The following IGSF1 variants were observed in gnomAD, a reference collection of about 807,000 sequenced individuals.
The protein encoded by IGSF1 is immunoglobulin superfamily member 1.
A neutral mutation model predicts 95.3 loss-of-function variants in IGSF1; 40 were observed. The ratio of observed to expected loss-of-function variants is 0.42; its 90% confidence interval spans 0.33 to 0.55. The LOEUF (loss-of-function observed/expected upper bound fraction) is 0.55, where lower values mean the gene tolerates loss of function less well. Among genes scored for constraint, IGSF1 ranks in the 20% least tolerant of loss-of-function variants. The pLI, the probability that IGSF1 is intolerant of heterozygous loss-of-function variation, is 0.10. For synonymous variants in IGSF1, 372 were observed against 382.9 expected (o/e 0.97, Z 0.33); for missense variants, 906 against 1,025.4 (o/e 0.88, Z 1.59).
Position 131,281,674 on chromosome X carries a change from C to G in IGSF1, c.1517G>C (p.Gly506Ala). The G allele has an allele frequency of 2.5e-6, 3 of 1,207,429 alleles. No homozygotes were observed. The highest frequency in any genetic ancestry group is 3.4e-6 in the Non-Finnish European group (3 of 893,647). The change falls in exon 8 of 20, where the codon GGG (glycine) becomes GCG (alanine). Residue 506 changes from glycine to alanine, a missense_variant. Gly to Ala is a moderately conservative substitution (Grantham distance 60, BLOSUM62 0). Transcript: ENST00000361420. ...AAGAGTTATCCTCTCACCTGCTGGCCCCATCAGCTTCAGGGGCTCACTGCG... is the reference window on the plus strand; with the variant it reads ...AAGAGTTATCCTCTCACCTGCTGGCGCCATCAGCTTCAGGGGCTCACTGCG... Reference protein sequence around the residue: ...SHRSEPLKLMGPAGYLTWNYV... With the variant: ...SHRSEPLKLMAPAGYLTWNYV...
chrX:131,282,868 CTCCCT>C, intron 6 of IGSF1, 107 bp downstream of exon 6: 1 of 924,732 alleles, frequency 1.1e-6, no homozygotes, highest in Non-Finnish European at 1.5e-6. Flanking sequence ...ACAAATTCTG[CTCCCT>C]TCTCTACTGT....
intron 1 of IGSF1, among the ~76,000 whole-genome samples, chrX:131,287,426 T>C (rs985312369): frequency 1.8e-5 from 2 of 110,524 alleles, no homozygotes; most frequent in Non-Finnish European, 3.8e-5. Flanking sequence ...CCCTTACCCC[T>C]CTCACTTGAT....
intron 5 of IGSF1, among the ~76,000 whole-genome samples, chrX:131,283,497 T>G (rs989295090): frequency 8.9e-6 from 1 of 111,763 alleles, no homozygotes; most frequent in Non-Finnish European, 1.9e-5. Flanking sequence ...TGTGTAGGGG[T>G]GTATCTCAGT....
chrX:131,288,485 G>A (rs761903275), intron 1 of IGSF1, among the ~76,000 whole-genome samples: 1 of 110,613 alleles, frequency 9.0e-6, no homozygotes, highest in African/African-American at 3.3e-5. Context: ...CACTGCCAAG[G>A]GAGAGGTTCA....
chrX:131,285,292 G>C lies in IGSF1; in HGVS notation c.554C>G (p.Ser185Cys). ...QVPTGTMAIF[S>C]IDNLTPEDEG... ...ATCCTCAGGTGTCAGGTTGTCAATG[G>C]AGAATATGGCCATTGTCCCAGTTGG... Residue 185 changes from serine to cysteine, a missense_variant, in exon 5 of 20, where the codon TCC (serine) becomes TGC (cysteine). Transcript: ENST00000361420. 8.3e-7 allele frequency: 1 copy of C among 1,210,964 alleles called. No homozygotes were observed. Among genetic ancestry groups the C allele is most frequent in the Non-Finnish European group, 1.1e-6 (1 of 894,643 alleles).
chrX:131,286,923 C>G (rs997103945), intron 1 of IGSF1, among the ~76,000 whole-genome samples, 182 bp from the exon 2 acceptor site: 1 of 110,528 alleles, frequency 9.0e-6, no homozygotes, highest in Non-Finnish European at 1.9e-5. Flanking sequence ...TGCTCAAGGT[C>G]TTTGTTGGTA....
At chrX:131,284,235 A>AGGGTTGTTGTGAGG in intron 5 of IGSF1, 1 of 269,511 alleles carries the variant, frequency 3.7e-6, no homozygotes, top group Non-Finnish European at 5.1e-6. Flanking sequence ...AAATCCTCAC[A>AGGGTTGTTGTGAGG]ACAACCCTGT....
intron 6 of IGSF1, 32 bp downstream of exon 6, chrX:131,282,948 A>T: frequency 8.8e-7 from 1 of 1,131,809 alleles, no homozygotes; most frequent in Non-Finnish European, 1.2e-6. Context: ...CTTAGCCGTT[A>T]ACCTAAGTTT....
At chrX:131,274,281 C>T in intron 18 of IGSF1, 75 bp from the exon 19 acceptor site, 1 of 1,152,902 alleles carries the variant, frequency 8.7e-7, no homozygotes, top group Non-Finnish European at 1.2e-6. Flanking sequence ...TGGTATTGCC[C>T]CACACTCTGG....
chrX:131,289,421 C>T (rs1430157771), upstream of IGSF1: 1 of 352,378 alleles, frequency 2.8e-6, no homozygotes, highest in East Asian at 8.1e-5. Flanking sequence ...CCAACTCTGC[C>T]TGGCACCTGC....
intron 5 of IGSF1, among the ~76,000 whole-genome samples, chrX:131,283,958 A>T (rs1478874986): frequency 2.7e-5 from 3 of 111,884 alleles, no homozygotes; most frequent in African/African-American, 9.8e-5. Flanking sequence ...ATGTAGGTCT[A>T]GGTGTGTATG....
rs749679020 is a variant in IGSF1, at chrX:131,281,955, T to C, written c.1247-11A>G. On this transcript the variant is annotated splice_polypyrimidine_tract_variant and intron_variant, in intron 7 of 19. Transcript: ENST00000361420. ...GTTTGGGGGGCTTATCTGAAACCAA[T>C]CCAGAGACCAGAGTGAGAAGTGACC... The C allele has an allele frequency of 2.5e-6, 3 of 1,193,516 alleles. No homozygotes were observed. The highest frequency in any genetic ancestry group is 3.5e-5 in the African/African-American group (2 of 57,023).
rs2080554813 is a variant in IGSF1, at chrX:131,281,283, C to T, written c.1581G>A (p.Met527Ile). Residue 527 changes from methionine (M) to isoleucine (I), a missense_variant, in exon 9 of 20, where the codon ATG (methionine) becomes ATA (isoleucine). Around this residue, in one of 5 missense-constraint regions of IGSF1, gnomAD observed 442 missense variants for 448.1 expected, o/e 0.99. Coordinates refer to ENST00000361420, the MANE Select transcript of IGSF1 (RefSeq NM_001555.5). ...CTACCAACAGCAAGGCAACAAGCTG[C>T]ATGATTAGAGACAACCTGATAGCTT... The part of the protein sequence containing the change: ...LNEAIRLSLI[M>I]QLVALLLVVL... 7.4e-6 allele frequency: 9 copies of T among 1,210,364 alleles called. No homozygotes were observed. The highest frequency in any genetic ancestry group is 2.3e-4 in the Middle Eastern group (1 of 4,351).
At chrX:131,289,361 C>A (rs1165478270), upstream of IGSF1, 2 of 363,350 alleles carry the variant, frequency 5.5e-6, no homozygotes, top group Non-Finnish European at 1.1e-5. Context: ...CCTGCCGGCC[C>A]GCCCCAACCT....
rs745459312 is a variant in IGSF1, at chrX:131,274,970, G to A, written c.3472+29C>T. 3.3e-6 allele frequency: 4 copies of A among 1,202,913 alleles called. No homozygotes were observed. In the Admixed American group the frequency reaches 8.8e-5, roughly 26 times the overall value. On this transcript the variant is annotated intron_variant, in intron 17 of 19. Coordinates refer to ENST00000361420, the MANE Select transcript of IGSF1 (RefSeq NM_001555.5). ...TTACTGCTAAAAACTACAAAATCGT[G>A]ACTTGTACTGAAGTCTCCAGGACCT... is the stretch of plus-strand genomic sequence containing the variant.
At position 131,283,989 on chromosome X, in the gene IGSF1, C is replaced by T. The variant is rs189749724; in HGVS notation, c.668-725G>A. ...GTATGAGTAAAGAAGACACAGTCTCCGCTAGCAAAAAGCTCATGAACTGGT... is the reference window on the plus strand; with the variant it reads ...GTATGAGTAAAGAAGACACAGTCTCTGCTAGCAAAAAGCTCATGAACTGGT... On this transcript the variant is annotated intron_variant, in intron 5 of 19. Coordinates refer to ENST00000361420, the MANE Select transcript of IGSF1 (RefSeq NM_001555.5). Among the ~76,000 whole-genome samples the T allele has an allele frequency of 2.1e-3, 231 of 111,983 alleles. 2 individuals are homozygous for T. Among genetic ancestry groups the T allele is most frequent in the Non-Finnish European group, 3.2e-3 (169 of 53,198 alleles).
chrX:131,276,561 C>G (rs1457767347), intron 14 of IGSF1, among the ~76,000 whole-genome samples: 1 of 111,371 alleles, frequency 9.0e-6, no homozygotes, highest in African/African-American at 3.3e-5. Flanking sequence ...CTCCCTTTCT[C>G]TGAGAGCCAT....
rs1318712070 is a variant in IGSF1 at position 131,278,314 on chromosome X, C to A, written c.2041+147G>T. ...CCTCCCCCTACCCCATAACCCCCTACCATTTCAGTGCCCCTCCTCTCCTAC... is the reference window on the plus strand; with the variant it reads ...CCTCCCCCTACCCCATAACCCCCTAACATTTCAGTGCCCCTCCTCTCCTAC... On this transcript the variant is annotated intron_variant, in intron 12 of 19. Coordinates refer to ENST00000361420, the MANE Select transcript of IGSF1 (RefSeq NM_001555.5). The A allele has an allele frequency of 4.8e-6, 3 of 627,732 alleles. No individual in the cohort carries two copies. The South Asian group carries it at 8.7e-5, about 18-fold the overall frequency. 51.7% of individuals were successfully genotyped at this position (627,732 alleles called of 1,213,427 possible). A position where few individuals can be genotyped will look rare whatever the true frequency, so the allele number is the denominator to read the frequency against.
chrX:131,274,313 G>A (rs2080450818), intron 18 of IGSF1, 107 bp from the exon 19 acceptor site: 2 of 1,025,577 alleles, frequency 2.0e-6, no homozygotes, highest in African/African-American at 3.7e-5. Context: ...GTTCACGTGG[G>A]AGCCATCTGT....
Sources: gnomAD v4.1 joint callset for allele counts (sites outside exome capture counted in the v4.1 genomes callset) on GRCh38, gnomAD v4.1.1 for gene constraint, gnomAD v4.1.1 regional missense constraint, MANE v1.5 for transcripts, NCBI Gene and HGNC (gene_info 2026-07-23, HGNC 2026-07-21) for gene names.